TLN2: variants seen among roughly 807,000 people sequenced by gnomAD.
TLN2 encodes talin 2.
A neutral mutation model predicts 294.7 loss-of-function variants in TLN2; 118 were observed. That is an observed-to-expected ratio of 0.40 (90% CI 0.34 to 0.47). The LOEUF (loss-of-function observed/expected upper bound fraction) is 0.47, where lower values mean the gene tolerates loss of function less well. TLN2 is among the 20% of genes least tolerant of loss of function. TLN2 has a pLI of 0.84. For missense variants in TLN2, 3,083 were observed against 3,282.2 expected, an observed-to-expected ratio of 0.94 and a Z score of 1.48; for synonymous variants, 1,431 against 1,304.5, an observed-to-expected ratio of 1.10 and a Z score of -2.09.
chr15:62,644,517 C>T, intron 3 of TLN2: 1 of 456,070 alleles, frequency 2.2e-6, no homozygotes, highest in South Asian at 1.5e-5. Context: ...GGAAACTCAC[C>T]TCCAAATCTT....
intron 1 of TLN2, among the ~76,000 whole-genome samples, chr15:62,428,033 C>T (rs2034812028): frequency 6.6e-6 from 1 of 152,204 alleles, no homozygotes; most frequent in Admixed American, 6.5e-5. Context: ...GACATCAAGA[C>T]CCTCAGCCTT....
intron 2 of TLN2, among the ~76,000 whole-genome samples, chr15:62,607,713 C>T (rs538261396): frequency 4.9e-4 from 74 of 152,202 alleles, no homozygotes; most frequent in African/African-American, 1.5e-3. Flanking sequence ...GGAAAAGGCC[C>T]GATTTCCCCA....
chr15:62,716,601 A>T (rs2059788097), intron 23 of TLN2, 142 bp downstream of exon 23: 1 of 1,168,348 alleles, frequency 8.6e-7, no homozygotes, highest in Admixed American at 3.6e-5. Flanking sequence ...TTTGAGTACT[A>T]TAAAAGCATT....
In TLN2 at chr15:62,580,914, G is replaced by A. The variant is rs144245621; in HGVS notation, c.-237-8773G>A. Among the ~76,000 whole-genome samples, 542 of 144,920 alleles carry A rather than the reference G, an allele frequency of 3.7e-3. 3 individuals carry two copies. The highest frequency in any genetic ancestry group is 0.012 in the African/African-American group (477 of 38,898). Reference sequence around the variant, plus strand: ...TTTTTTCTTTTTGAGACAGAGTTTCGGTCTTGTTGCCTAGGCTGGAGTGCA... The same window carrying A: ...TTTTTTCTTTTTGAGACAGAGTTTCAGTCTTGTTGCCTAGGCTGGAGTGCA... On this transcript the variant is annotated intron_variant, in intron 1 of 58. Coordinates refer to ENST00000636159, the MANE Select transcript of TLN2 (RefSeq NM_015059.3).
chr15:62,476,956 G>GTGTC, intron 1 of TLN2, among the ~76,000 whole-genome samples: 1 of 152,288 alleles, frequency 6.6e-6, no homozygotes, highest in East Asian at 1.9e-4. Flanking sequence ...ATCCTTCCGT[G>GTGTC]TGTCTGTCTT....
intron 1 of TLN2, among the ~76,000 whole-genome samples, chr15:62,517,804 T>C (rs2040255658): frequency 6.6e-6 from 1 of 152,220 alleles, no homozygotes; most frequent in African/African-American, 2.4e-5. Flanking sequence ...GTAAGTCTGT[T>C]TGTCTCTTTC....
intron 1 of TLN2, among the ~76,000 whole-genome samples, chr15:62,527,927 G>C (rs2040826885): frequency 6.6e-6 from 1 of 152,074 alleles, no homozygotes; most frequent in South Asian, 2.1e-4. Flanking sequence ...ATATTTAAAA[G>C]TTTATGACTT....
chr15:62,469,938 G>A (rs1235521963), intron 1 of TLN2, among the ~76,000 whole-genome samples: 1 of 151,724 alleles, frequency 6.6e-6, no homozygotes. Context: ...GTGTGTGTTT[G>A]TGTGGGGGTG....
rs552846166 is a variant in TLN2, at chr15:62,458,827, A to G, written c.-238+68142A>G. Among the ~76,000 whole-genome samples, 312 of 152,094 alleles carry G rather than the reference A, an allele frequency of 2.1e-3. 1 individual carries two copies. Among genetic ancestry groups the G allele is most frequent in the Non-Finnish European group, 2.8e-3 (187 of 67,980 alleles). ...AGGGCTTGAGTGCGACTCTCCTTGC[A>G]TGTCCCTGCTTACTTAATCAGCATT... On this transcript the variant is annotated intron_variant, in intron 1 of 58. Transcript: ENST00000636159.
intron 12 of TLN2, among the ~76,000 whole-genome samples, chr15:62,690,726 G>A (rs1360559832): frequency 1.3e-5 from 2 of 150,040 alleles, no homozygotes; most frequent in Admixed American, 6.6e-5. Context: ...CGGCACCATT[G>A]AGCACTGAGT....
chr15:62,452,860 T>G (rs1226566792), intron 1 of TLN2, among the ~76,000 whole-genome samples: 1 of 152,074 alleles, frequency 6.6e-6, no homozygotes, highest in East Asian at 1.9e-4. Context: ...CCTAATCCTC[T>G]GTGTAGAATG....
At position 62,628,911 on chromosome 15, in the gene TLN2, A is replaced by G. The variant is rs187637809; in HGVS notation, c.-37+10436A>G. Among the ~76,000 whole-genome samples the G allele has an allele frequency of 2.7e-3, 405 of 152,350 alleles. 4 individuals are homozygous for G. Among genetic ancestry groups the G allele is most frequent in the African/African-American group, 9.0e-3 (374 of 41,566 alleles). ...AAAATTTGATAGTGGTGCTGGGCAC[A>G]GTGTCTCTCACCTGTAATCCCAGCA... On this transcript the variant is annotated intron_variant, in intron 3 of 58. Transcript: ENST00000636159.
intron 14 of TLN2, among the ~76,000 whole-genome samples, chr15:62,695,724 T>A (rs1023593455): frequency 6.6e-6 from 1 of 152,224 alleles, no homozygotes; most frequent in African/African-American, 2.4e-5. Flanking sequence ...CCAAACTTGA[T>A]ATGATAAGTT....
At chr15:62,680,839 T>C (rs1247580985) in intron 11 of TLN2, among the ~76,000 whole-genome samples, 1 of 152,210 alleles carries the variant, frequency 6.6e-6, no homozygotes, top group African/African-American at 2.4e-5. Flanking sequence ...TTTTTGGTTT[T>C]CTGCTCCTGT....
chr15:62,534,584 G>A (rs1037967574), intron 1 of TLN2, among the ~76,000 whole-genome samples: 4 of 152,168 alleles, frequency 2.6e-5, no homozygotes, highest in Non-Finnish European at 4.4e-5. Flanking sequence ...TTTTATGGAA[G>A]CATCGTTGTG....
At chr15:62,487,853 A>G (rs1443363772) in intron 1 of TLN2, among the ~76,000 whole-genome samples, 1 of 152,086 alleles carries the variant, frequency 6.6e-6, no homozygotes, top group African/African-American at 2.4e-5. Context: ...CAGTGAGCTG[A>G]GATCGCACCA....
In TLN2 at chr15:62,468,991, C is replaced by T. The variant is rs76713600; in HGVS notation, c.-238+78306C>T. On this transcript the variant is annotated intron_variant, in intron 1 of 58. Coordinates refer to ENST00000636159, the MANE Select transcript of TLN2 (RefSeq NM_015059.3). Reference sequence around the variant, plus strand: ...CTGTAACCATTTGTCAACAATTTACCCTATGTGAGATGACTTTTCTATATG... The same window carrying T: ...CTGTAACCATTTGTCAACAATTTACTCTATGTGAGATGACTTTTCTATATG... Among the ~76,000 whole-genome samples, 41 of 152,160 alleles carry T rather than the reference C, an allele frequency of 2.7e-4. 1 individual carries two copies. The East Asian group carries it at 5.8e-3, about 22-fold the overall frequency.
chr15:62,695,657 T>C (rs2058275000), intron 14 of TLN2, among the ~76,000 whole-genome samples: 1 of 152,218 alleles, frequency 6.6e-6, no homozygotes, highest in Non-Finnish European at 1.5e-5. Context: ...CACAATTTGC[T>C]TCCTAATCAC....
chr15:62,552,196 G>A (rs1468456936), intron 1 of TLN2, among the ~76,000 whole-genome samples: 3 of 152,158 alleles, frequency 2.0e-5, no homozygotes, highest in Non-Finnish European at 4.4e-5. Context: ...ACCCCTGGTC[G>A]ATAATCACTG....
Sources: allele counts gnomAD v4.1 joint callset (sites outside exome capture counted in the v4.1 genomes callset), GRCh38; gene constraint gnomAD v4.1.1; transcripts MANE v1.5; gene names NCBI Gene and HGNC (gene_info 2026-07-23, HGNC 2026-07-21).